The following SNTG1 variants were observed in gnomAD, a reference collection of about 807,000 sequenced individuals.
SNTG1 encodes gamma-1-syntrophin.
SNTG1 carries 39 observed loss-of-function variants against 74.7 expected under a neutral mutation model. The ratio of observed to expected loss-of-function variants is 0.52; its 90% CI spans 0.40 to 0.68. The LOEUF is 0.68. Ranked by LOEUF, SNTG1 falls within the 30% of genes least tolerant of loss-of-function variation. SNTG1 has a pLI of 0.00. For missense variants in SNTG1, 685 were observed against 609.5 expected (o/e 1.12, Z -1.30); for synonymous variants, 254 against 217.1 (o/e 1.17, Z -1.49).
chr8:50,734,715 TG>T (rs1345727551), intron 17 of SNTG1, among the ~76,000 whole-genome samples: 1 of 145,236 alleles, frequency 6.9e-6, no homozygotes, highest in Admixed American at 7.0e-5. Context: ...TCTCTATATA[TG>T]GACATTATAT....
intron 12 of SNTG1, among the ~76,000 whole-genome samples, chr8:50,573,566 C>T (rs987501926): frequency 2.0e-5 from 3 of 151,584 alleles, no homozygotes; most frequent in Non-Finnish European, 4.4e-5. Flanking sequence ...GAATGTTGTC[C>T]GTAATATCTA....
intron 2 of SNTG1, among the ~76,000 whole-genome samples, chr8:50,203,401 G>T (rs1350941132): frequency 6.6e-6 from 1 of 152,106 alleles, no homozygotes; most frequent in Non-Finnish European, 1.5e-5. Context: ...TCAGGTGACA[G>T]TTTGGCATGA....
chr8:49,950,987 C>T (rs1318720415), intron 1 of SNTG1, among the ~76,000 whole-genome samples: 1 of 152,178 alleles, frequency 6.6e-6, no homozygotes, highest in Admixed American at 6.5e-5. Flanking sequence ...GCTGTCCGAA[C>T]AATACCTAAA....
chr8:50,241,298 G>C (rs568283805), intron 2 of SNTG1, among the ~76,000 whole-genome samples: 24 of 152,282 alleles, frequency 1.6e-4, no homozygotes, highest in African/African-American at 5.5e-4. Context: ...ATAGAAAGAA[G>C]AGCAGAGAGT....
At chr8:50,296,744 T>A (rs1291801814) in intron 2 of SNTG1, among the ~76,000 whole-genome samples, 1 of 151,996 alleles carries the variant, frequency 6.6e-6, no homozygotes, top group Non-Finnish European at 1.5e-5. Flanking sequence ...CAAACCTGAA[T>A]GTTCTGCACA....
chr8:50,683,626 A>G (rs1208496666), intron 15 of SNTG1, among the ~76,000 whole-genome samples: 2 of 152,198 alleles, frequency 1.3e-5, no homozygotes, highest in African/African-American at 4.8e-5. Flanking sequence ...GGGTATATAA[A>G]TAGGAGAGCA....
At chr8:50,563,325 A>G (rs2094498479) in intron 12 of SNTG1, among the ~76,000 whole-genome samples, 1 of 152,210 alleles carries the variant, frequency 6.6e-6, no homozygotes, top group South Asian at 2.1e-4. Context: ...GAATGTAAAG[A>G]AAAATGAAGA....
At chr8:50,094,576 GA>G (rs943289644) in intron 1 of SNTG1, among the ~76,000 whole-genome samples, 1 of 151,728 alleles carries the variant, frequency 6.6e-6, no homozygotes, top group African/African-American at 2.4e-5. Context: ...ATAAGCATAT[GA>G]AAAAAAATGC....
chr8:50,775,649 T>C (rs2095638739), intron 18 of SNTG1, among the ~76,000 whole-genome samples: 1 of 151,732 alleles, frequency 6.6e-6, no homozygotes, highest in Non-Finnish European at 1.5e-5. Context: ...TGGTGTTTTC[T>C]AATTCTTCTA....
chr8:49,983,468 A>C (rs2130178776), intron 1 of SNTG1, among the ~76,000 whole-genome samples: 1 of 152,322 alleles, frequency 6.6e-6, no homozygotes, highest in East Asian at 1.9e-4. Context: ...TATTTAAATA[A>C]TCCTTTTGTT....
In SNTG1 at chr8:50,708,901, T is replaced by A; in HGVS notation, c.1207T>A (p.Cys403Ser). 1.2e-6 allele frequency: 2 copies of A among 1,613,008 alleles called. No individual in the cohort carries two copies. The highest frequency in any genetic ancestry group is 8.5e-7 in the Non-Finnish European group (1 of 1,179,134). Residue 403 changes from cysteine to serine, a missense_variant, in exon 17 of 19, where the codon TGT becomes AGT. Cys to Ser is a moderately radical substitution (Grantham distance 112). Transcript: ENST00000642720. ...TTCTACCTAGTGCAAGACCTATGCA[T>A]GTGTGCTAGAAAGTCATCTAATGGG... Reference protein sequence around the residue: ...VERIQCKTYACVLESHLMGLT... With the variant: ...VERIQCKTYASVLESHLMGLT...
At chr8:50,688,530 T>C (rs1455816381) in intron 15 of SNTG1, among the ~76,000 whole-genome samples, 3 of 152,228 alleles carry the variant, frequency 2.0e-5, no homozygotes, top group African/African-American at 7.2e-5. Context: ...TCCCCATTGC[T>C]TGTTTTTGTC....
chr8:50,430,450 A>T (rs1304581221), intron 4 of SNTG1, among the ~76,000 whole-genome samples: 1 of 152,102 alleles, frequency 6.6e-6, no homozygotes, highest in Non-Finnish European at 1.5e-5. Context: ...AGAAACCTGG[A>T]TTCCCTTCAT....
intron 2 of SNTG1, among the ~76,000 whole-genome samples, chr8:50,216,051 C>T (rs1174195220): frequency 6.6e-6 from 1 of 152,092 alleles, no homozygotes; most frequent in Non-Finnish European, 1.5e-5. Context: ...GGTGGGTCTT[C>T]CCTCCTGAAA....
At chr8:50,462,152 T>TA (rs1448177291) in intron 8 of SNTG1, among the ~76,000 whole-genome samples, 2 of 150,698 alleles carry the variant, frequency 1.3e-5, no homozygotes, top group Non-Finnish European at 3.0e-5. Context: ...GAAGTCAAAA[T>TA]AAAAAATAAA....
At chr8:50,169,709 C>G (rs1435716486) in intron 1 of SNTG1, among the ~76,000 whole-genome samples, 1 of 152,088 alleles carries the variant, frequency 6.6e-6, no homozygotes, top group Non-Finnish European at 1.5e-5. Context: ...TTTGGACTGT[C>G]TGTGTTTTGG....
intron 1 of SNTG1, among the ~76,000 whole-genome samples, chr8:49,974,439 A>C (rs1199077889): frequency 6.6e-6 from 1 of 152,206 alleles, no homozygotes; most frequent in Non-Finnish European, 1.5e-5. Context: ...CTATATGCCC[A>C]AGGGCACATA....
At chr8:50,435,259 A>G (rs2093289210) in intron 4 of SNTG1, among the ~76,000 whole-genome samples, 1 of 152,172 alleles carries the variant, frequency 6.6e-6, no homozygotes, top group Non-Finnish European at 1.5e-5. Flanking sequence ...GGCATTATAT[A>G]TATATGAAAC....
rs538811840 is a variant in SNTG1, at chr8:50,037,811, G to A, written c.-103+125580G>A. On this transcript the variant is annotated intron_variant, in intron 1 of 18. Transcript: ENST00000642720. ...AATAAGCCAGGGATATGGTAAATAC[G>A]TAATAAATCATAATTAAAGTAATAA... Among the ~76,000 whole-genome samples, 13 of 152,258 alleles carry A rather than the reference G, an allele frequency of 8.5e-5. No homozygotes were observed. The South Asian group carries it at 1.7e-3, about 19-fold the overall frequency.
Sources: allele counts gnomAD v4.1 joint callset (sites outside exome capture counted in the v4.1 genomes callset), GRCh38; gene constraint gnomAD v4.1.1; transcripts MANE v1.5; gene names NCBI Gene and HGNC (gene_info 2026-07-23, HGNC 2026-07-21).